PDAP1: variants seen among roughly 807,000 people sequenced by gnomAD.
PDAP1 encodes 28 kDa heat- and acid-stable phosphoprotein.
In PDAP1, 13 loss-of-function variants were observed where a neutral mutation model predicts 28.0. That is an observed-to-expected ratio of 0.46 (90% CI 0.30 to 0.74). The LOEUF is 0.74. Ranked by LOEUF, PDAP1 falls within the 30% of genes least tolerant of loss-of-function variation. The pLI, the probability that PDAP1 is intolerant of heterozygous loss-of-function variation, is 0.07. For missense variants in PDAP1, 150 were observed against 230.0 expected, an observed-to-expected ratio of 0.65 and a Z score of 2.25; for synonymous variants, 77 against 85.1, an observed-to-expected ratio of 0.91 and a Z score of 0.52.
chr7:99,408,373 C>T (rs944742963), intron 1 of PDAP1, among the ~76,000 whole-genome samples, 163 bp downstream of exon 1: 2 of 152,192 alleles, frequency 1.3e-5, no homozygotes, highest in Non-Finnish European at 2.9e-5. Context: ...CCTCAGTTTC[C>T]CCATCGGGAC....
rs755018487 is a variant in PDAP1, at chr7:99,397,981, C to T, written c.368G>A (p.Arg123His). The T allele has an allele frequency of 1.4e-5, 22 of 1,614,118 alleles. No homozygotes were observed. The highest frequency in any genetic ancestry group is 2.7e-5 in the African/African-American group (2 of 74,952). Residue 123 changes from arginine to histidine, a missense_variant, in exon 5 of 6, where the codon CGT (arginine) becomes CAT (histidine). By Grantham distance (29) the Arg-to-His change is conservative (BLOSUM62 0). Coordinates refer to ENST00000350498, the MANE Select transcript of PDAP1 (RefSeq NM_014891.7). ...CCCGGCCAAGTGCATTTTCATGTAA[C>T]GCTCTTTTGCCTTCTGCTTCTCAAT... ...EEIEKQKAKE[R>H]YMKMHLAGKT...
At chr7:99,405,202 C>T (rs1794950930) in intron 1 of PDAP1, among the ~76,000 whole-genome samples, 2 of 152,178 alleles carry the variant, frequency 1.3e-5, no homozygotes, top group Admixed American at 1.3e-4. Context: ...GAGGGGAGAA[C>T]ATGGCGGACG....
intron 2 of PDAP1, 60 bp from the exon 3 acceptor site, chr7:99,403,565 G>T: frequency 9.5e-7 from 1 of 1,054,560 alleles, no homozygotes; most frequent in Non-Finnish European, 1.5e-6. Flanking sequence ...CCAAGACTGT[G>T]ACCCTATCAC....
chr7:99,395,169 G>A lies in PDAP1; in HGVS notation c.*1513C>T, dbSNP rs1794725463. On this transcript the variant is annotated 3_prime_UTR_variant, in exon 6 of 6. Coordinates refer to ENST00000350498, the MANE Select transcript of PDAP1 (RefSeq NM_014891.7). ...AGGCTGGTTGTGGAACTTTTGTTTT[G>A]AGATGGAGTTTTGCTCGTCACCCAG... 6.6e-6 allele frequency: 1 copy of A among 152,350 alleles called. No individual in the cohort carries two copies. The highest frequency in any genetic ancestry group is 2.1e-4 in the South Asian group (1 of 4,838). 9.4% of individuals were successfully genotyped at this position (152,350 alleles called of 1,614,324 possible).
chr7:99,401,280 A>C (rs995949740), intron 3 of PDAP1, among the ~76,000 whole-genome samples: 1 of 152,078 alleles, frequency 6.6e-6, no homozygotes, highest in African/African-American at 2.4e-5. Flanking sequence ...ATACAGCTTA[A>C]ATTTGTCCAC....
intron 1 of PDAP1, among the ~76,000 whole-genome samples, chr7:99,406,872 C>T (rs1383797235): frequency 1.3e-5 from 2 of 152,218 alleles, no homozygotes; most frequent in Non-Finnish European, 2.9e-5. Flanking sequence ...TTAATGACTA[C>T]CTAGGTTCCC....
intron 5 of PDAP1, among the ~76,000 whole-genome samples, chr7:99,397,424 A>G (rs1410473825): frequency 6.6e-6 from 1 of 152,192 alleles, no homozygotes; most frequent in Admixed American, 6.5e-5. Flanking sequence ...CTGGATGTCA[A>G]GCCAGTCTGC....
At chr7:99,406,044 T>C (rs1470617734) in intron 1 of PDAP1, among the ~76,000 whole-genome samples, 1 of 152,144 alleles carries the variant, frequency 6.6e-6, no homozygotes, top group Admixed American at 6.6e-5. Flanking sequence ...TTGAGGCCAG[T>C]TCAAGACCAG....
intron 1 of PDAP1, among the ~76,000 whole-genome samples, chr7:99,405,469 C>T (rs1344266197): frequency 6.6e-6 from 1 of 151,856 alleles, no homozygotes; most frequent in Non-Finnish European, 1.5e-5. Context: ...AAGTGATTCT[C>T]CTGCCTCAGC....
At chr7:99,404,207 C>T (rs1215003628) in intron 2 of PDAP1, among the ~76,000 whole-genome samples, 2 of 152,170 alleles carry the variant, frequency 1.3e-5, no homozygotes, top group East Asian at 1.9e-4. Flanking sequence ...TCCTGGGGTA[C>T]GTCACAGCTG....
Position 99,396,743 on chromosome 7 carries a change from G to T in PDAP1, c.488-3C>A, listed in dbSNP as rs1562821881. 6.2e-7 allele frequency: 1 copy of T among 1,611,674 alleles called. No homozygotes were observed. Among genetic ancestry groups the T allele is most frequent in the Non-Finnish European group, 8.5e-7 (1 of 1,179,084 alleles). On this transcript the variant is annotated splice_region_variant and splice_polypyrimidine_tract_variant and intron_variant, in intron 5 of 5. Transcript: ENST00000350498. ...TGACAATGTGGCATCGTCTTTTGCT[G>T]AGGGGTGGGAGAAGGGCAGGGGTTA...
chr7:99,396,987 C>T (rs988259526), intron 5 of PDAP1, among the ~76,000 whole-genome samples: 4 of 152,196 alleles, frequency 2.6e-5, no homozygotes, highest in African/African-American at 7.2e-5. Flanking sequence ...GCCCCACCAA[C>T]ACACACTCTT....
chr7:99,403,296 C>A (rs959259833), intron 3 of PDAP1, 102 bp downstream of exon 3: 2 of 722,724 alleles, frequency 2.8e-6, no homozygotes, highest in Non-Finnish European at 2.5e-6. Context: ...AGAGCAAGGA[C>A]GTTGTCTGCA....
At chr7:99,399,248 G>A (rs867101292) in intron 4 of PDAP1, among the ~76,000 whole-genome samples, 1 of 152,296 alleles carries the variant, frequency 6.6e-6, no homozygotes. Flanking sequence ...ACAGAGCTGA[G>A]GAGATAATAC....
In PDAP1 at chr7:99,394,771, C is replaced by T; in HGVS notation, c.*1911G>A. 6 of 1,143,538 alleles carry T rather than the reference C, an allele frequency of 5.2e-6. No individual in the cohort carries two copies. The highest frequency in any genetic ancestry group is 6.3e-6 in the Non-Finnish European group (6 of 948,082). The allele number at this position is 1,143,538 out of a possible 1,614,324, so 70.8% of individuals were successfully genotyped here. A position where few individuals can be genotyped will look rare whatever the true frequency, so the allele number is the denominator to read the frequency against. ...TTCAAAATGTGGAGGTAATAAAATG[C>T]AACTGTGTAAAAAAAAAAAAAAAAA... On this transcript the variant is annotated 3_prime_UTR_variant, in exon 6 of 6. Transcript: ENST00000350498.
At chr7:99,398,153 G>A in intron 4 of PDAP1, 140 bp from the exon 5 acceptor site, 2 of 863,588 alleles carry the variant, frequency 2.3e-6, no homozygotes, top group East Asian at 4.9e-5. Context: ...CTGCCTCCAT[G>A]AACCCCCTGC....
intron 3 of PDAP1, 151 bp downstream of exon 3, chr7:99,403,247 T>C: frequency 1.6e-6 from 1 of 611,746 alleles, no homozygotes; most frequent in Non-Finnish European, 2.9e-6. Context: ...ACACTGTCTG[T>C]TTACTTCTTT....
rs902134525 is a variant in PDAP1 at position 99,395,622 on chromosome 7, G to A, written c.*1060C>T. ...TTCTCTCAGGAAAATGTGGGCCTTGGCGACATCCAATGCTAGTGCTATTCC... is the reference window on the plus strand; with the variant it reads ...TTCTCTCAGGAAAATGTGGGCCTTGACGACATCCAATGCTAGTGCTATTCC... On this transcript the variant is annotated 3_prime_UTR_variant, in exon 6 of 6. Coordinates refer to ENST00000350498, the MANE Select transcript of PDAP1 (RefSeq NM_014891.7). 6.6e-6 allele frequency: 1 copy of A among 152,370 alleles called. No individual in the cohort carries two copies. The highest frequency in any genetic ancestry group is 1.5e-5 in the Non-Finnish European group (1 of 68,076). 9.4% of individuals were successfully genotyped at this position (152,370 alleles called of 1,614,324 possible).
rs770378850 is a variant in PDAP1, at chr7:99,400,472, C to A, written c.214-48G>T. ...TTGTTGGAGTTCAGGTCCTGTGGAG[C>A]CCCTGAGGGCCACTCCTGCCATCTC... On this transcript the variant is annotated intron_variant, in intron 3 of 5. Coordinates refer to ENST00000350498, the MANE Select transcript of PDAP1 (RefSeq NM_014891.7). 11 of 1,609,562 alleles carry A rather than the reference C, an allele frequency of 6.8e-6. No homozygotes were observed. In the South Asian group the frequency reaches 8.8e-5, roughly 13 times the overall value.
Sources: allele counts gnomAD v4.1 joint callset (sites outside exome capture counted in the v4.1 genomes callset), GRCh38; gene constraint gnomAD v4.1.1; transcripts MANE v1.5; gene names NCBI Gene and HGNC (gene_info 2026-07-23, HGNC 2026-07-21).